GPC4: variants seen among roughly 807,000 people sequenced by gnomAD.
GPC4 encodes the protein glypican-4.
A neutral mutation model predicts 35.0 loss-of-function variants in GPC4; 10 were observed. That is an observed-to-expected ratio of 0.29 (90% confidence interval 0.18 to 0.48). The LOEUF (loss-of-function observed/expected upper bound fraction) is 0.48, where lower values mean the gene tolerates loss of function less well. GPC4 is among the 20% of genes least tolerant of loss of function. The probability of loss-of-function intolerance (pLI) is 0.99; values close to 1 mark genes in which losing one functional copy is unlikely to be tolerated. For missense variants in GPC4, 322 were observed against 451.3 expected, an observed-to-expected ratio of 0.71 and a Z score of 2.60; for synonymous variants, 167 against 170.2, an observed-to-expected ratio of 0.98 and a Z score of 0.15.
intron 1 of GPC4, among the ~76,000 whole-genome samples, chrX:133,384,448 G>C (rs753876020): frequency 9.0e-6 from 1 of 111,431 alleles, no homozygotes; most frequent in South Asian, 3.8e-4. Context: ...CTTTAGGGTT[G>C]CTATAAATGT....
intron 1 of GPC4, among the ~76,000 whole-genome samples, chrX:133,396,773 CAA>C (rs2068745304): frequency 8.9e-6 from 1 of 111,879 alleles, no homozygotes; most frequent in Non-Finnish European, 1.9e-5. Context: ...CTTTCAAACA[CAA>C]AGTGACCGCA....
chrX:133,316,391 C>T (rs939710112), intron 3 of GPC4, among the ~76,000 whole-genome samples: 2 of 111,573 alleles, frequency 1.8e-5, no homozygotes, highest in African/African-American at 6.5e-5. Context: ...TACTTGACTT[C>T]CATGCTATGT....
At chrX:133,310,715 G>A (rs963140817) in intron 4 of GPC4, among the ~76,000 whole-genome samples, 1 of 112,043 alleles carries the variant, frequency 8.9e-6, no homozygotes, top group Non-Finnish European at 1.9e-5. Flanking sequence ...TTTAGTTGCA[G>A]TGTAATAGAT....
chrX:133,355,905 C>T (rs2068539747), intron 1 of GPC4, among the ~76,000 whole-genome samples: 1 of 111,649 alleles, frequency 9.0e-6, no homozygotes, highest in South Asian at 3.8e-4. Flanking sequence ...TCCTACTTTC[C>T]CTTCCACCAT....
chrX:133,329,180 A>T (rs2068407557), intron 2 of GPC4, among the ~76,000 whole-genome samples: 1 of 112,052 alleles, frequency 8.9e-6, no homozygotes, highest in Non-Finnish European at 1.9e-5. Flanking sequence ...CAAAAGGCCT[A>T]ATCTCTCTGA....
chrX:133,394,214 G>C (rs2068731984), intron 1 of GPC4, among the ~76,000 whole-genome samples: 1 of 109,781 alleles, frequency 9.1e-6, no homozygotes, highest in South Asian at 4.0e-4. Flanking sequence ...AGGTTGCAGT[G>C]AGCCGAGACT....
chrX:133,348,281 G>A (rs1009618221), intron 1 of GPC4, among the ~76,000 whole-genome samples: 10 of 112,310 alleles, frequency 8.9e-5, no homozygotes, highest in African/African-American at 2.6e-4. Flanking sequence ...CTGAGTGAAT[G>A]GCCTGAAATG....
At chrX:133,334,002 GA>G (rs1317591026) in intron 2 of GPC4, among the ~76,000 whole-genome samples, 1 of 112,306 alleles carries the variant, frequency 8.9e-6, no homozygotes, top group African/African-American at 3.2e-5. Flanking sequence ...TATATAGGTA[GA>G]AAATAGTTAA....
At chrX:133,308,894 C>A (rs1259696761) in intron 4 of GPC4, among the ~76,000 whole-genome samples, 4 of 109,669 alleles carry the variant, frequency 3.6e-5, no homozygotes, top group African/African-American at 1.3e-4. Flanking sequence ...CCCGACTTAA[C>A]CCCAAGATCT....
intron 1 of GPC4, among the ~76,000 whole-genome samples, chrX:133,344,201 T>G (rs1264700839): frequency 2.0e-3 from 13 of 6,351 alleles, no homozygotes; most frequent in Admixed American, 4.5e-3. Flanking sequence ...GTTTTTTTTT[T>G]TTTTTTTTTT....
intron 1 of GPC4, among the ~76,000 whole-genome samples, chrX:133,344,191 G>GTTTT (rs747976050): frequency 7.7e-5 from 3 of 38,883 alleles, no homozygotes; most frequent in Non-Finnish European, 1.6e-4. Flanking sequence ...TTTCTTTCTG[G>GTTTT]TTTTTTTTTT....
intron 1 of GPC4, among the ~76,000 whole-genome samples, chrX:133,371,357 T>G (rs1032896641): frequency 3.7e-4 from 42 of 112,484 alleles, no homozygotes; most frequent in Non-Finnish European, 6.9e-4. Context: ...ATTTGCTCTG[T>G]GTTATTTTCT....
At position 133,414,835 on chromosome X, in the gene GPC4, T is replaced by C. The variant is rs1282440108; in HGVS notation, c.131A>G (p.Lys44Arg). ...RRLYVSKGFNKNDAPLHEING... is the reference protein window; with the variant it reads ...RRLYVSKGFNRNDAPLHEING... ...GATCTCGTGGAGGGGGGCATCGTTC[T>C]TGTTGAAGCCTTTGGACACGTAAAG... The change falls in exon 1 of 9, where the codon AAG (lysine) becomes AGG (arginine). Residue 44 changes from lysine (K) to arginine (R), a missense_variant. Transcript: ENST00000370828. 1 of 1,211,823 alleles carries C rather than the reference T, an allele frequency of 8.3e-7. No individual in the cohort carries two copies. The highest frequency in any genetic ancestry group is 1.1e-6 in the Non-Finnish European group (1 of 895,416).
chrX:133,309,251 A>T (rs1328738236), intron 4 of GPC4, among the ~76,000 whole-genome samples: 2 of 112,330 alleles, frequency 1.8e-5, no homozygotes, highest in Non-Finnish European at 3.8e-5. Context: ...ACTTAAAATA[A>T]CTAGGGAAAA....
At chrX:133,357,851 A>T (rs1276198720) in intron 1 of GPC4, among the ~76,000 whole-genome samples, 4 of 111,706 alleles carry the variant, frequency 3.6e-5, no homozygotes, top group African/African-American at 1.3e-4. Flanking sequence ...TATTATGAAC[A>T]CTGATATCAG....
intron 2 of GPC4, among the ~76,000 whole-genome samples, chrX:133,327,636 A>AGTGTGTGTGTGTGTGTGTGTGTGT (rs557359106): frequency 3.6e-5 from 3 of 83,287 alleles, no homozygotes; most frequent in African/African-American, 1.3e-4. Flanking sequence ...TGTCCAGGAA[A>AGTGTGTGTGTGTGTGTGTGTGTGT]GTGTGTGTGT....
chrX:133,371,514 C>T (rs2068611983), intron 1 of GPC4, among the ~76,000 whole-genome samples: 1 of 111,678 alleles, frequency 9.0e-6, no homozygotes, highest in African/African-American at 3.2e-5. Flanking sequence ...AGATCAGCAG[C>T]CCCCCTGCCC....
intron 3 of GPC4, among the ~76,000 whole-genome samples, chrX:133,311,848 T>C (rs1050615175): frequency 8.9e-6 from 1 of 112,040 alleles, no homozygotes; most frequent in Non-Finnish European, 1.9e-5. Flanking sequence ...CATCAGTGTT[T>C]GTCTTTGCCA....
At chrX:133,364,775 C>T (rs1472278137) in intron 1 of GPC4, among the ~76,000 whole-genome samples, 1 of 111,996 alleles carries the variant, frequency 8.9e-6, no homozygotes, top group Non-Finnish European at 1.9e-5. Flanking sequence ...CAAATTATTC[C>T]AAAGATATCT....
Sources: allele counts gnomAD v4.1 joint callset (sites outside exome capture counted in the v4.1 genomes callset), GRCh38; gene constraint gnomAD v4.1.1; transcripts MANE v1.5; gene names NCBI Gene and HGNC (gene_info 2026-07-23, HGNC 2026-07-21).